PIK3C2G: variants seen among roughly 807,000 people sequenced by gnomAD.
PIK3C2G encodes phosphatidylinositol-4-phosphate 3-kinase catalytic subunit type 2 gamma.
A neutral mutation model predicts 181.1 loss-of-function variants in PIK3C2G; 168 were observed. That is an observed-to-expected ratio of 0.93 (90% confidence interval 0.82 to 1.05). The LOEUF is 1.05. PIK3C2G is among the 50% of genes least tolerant of loss of function. The pLI is 0.00. For synonymous variants in PIK3C2G, 573 were observed against 592.2 expected (o/e 0.97, Z 0.47); for missense variants, 1,869 against 1,732.8 (o/e 1.08, Z -1.40).
Position 18,488,564 on chromosome 12 carries a change from A to G in PIK3C2G, c.2620A>G (p.Lys874Glu). ...GAATGATGAGTTTTCCAAGGAGCAG[A>G]AACTTATCAAAATTCTGGGAGATAT... ...ALNDEFSKEQKLIKILGDIGE... is the reference protein window; with the variant it reads ...ALNDEFSKEQELIKILGDIGE... The change falls in exon 19 of 33, where the codon AAA (lysine) becomes GAA (glutamate). Residue 874 changes from lysine to glutamate, a missense_variant. Physicochemically the swap from Lys to Glu is moderately conservative, Grantham distance 56. Coordinates refer to ENST00000538779, the MANE Select transcript of PIK3C2G (RefSeq NM_001288772.2). 6.3e-7 allele frequency: 1 copy of G among 1,581,094 alleles called. No individual in the cohort carries two copies. Among genetic ancestry groups the G allele is most frequent in the Non-Finnish European group, 8.6e-7 (1 of 1,163,246 alleles).
At chr12:18,416,198 T>A (rs1003680389) in intron 16 of PIK3C2G, among the ~76,000 whole-genome samples, 1 of 151,966 alleles carries the variant, frequency 6.6e-6, no homozygotes, top group African/African-American at 2.4e-5. Context: ...TGGGCTGAGA[T>A]TGCACCACTG....
At chr12:18,470,107 A>G (rs1447408) in intron 18 of PIK3C2G, among the ~76,000 whole-genome samples, 28,069 of 151,942 alleles carry the variant, frequency 0.18, 3,429 homozygotes, top group African/African-American at 0.35. Context: ...ACAGTGGGTG[A>G]TAGACTGCCA....
At chr12:18,458,996 G>A (rs1212752719) in intron 18 of PIK3C2G, among the ~76,000 whole-genome samples, 1 of 152,026 alleles carries the variant, frequency 6.6e-6, no homozygotes, top group Non-Finnish European at 1.5e-5. Flanking sequence ...GACAATACTT[G>A]GATTTTAGCC....
At chr12:18,534,080 G>A (rs1445038837) in intron 24 of PIK3C2G, among the ~76,000 whole-genome samples, 1 of 150,446 alleles carries the variant, frequency 6.6e-6, no homozygotes, top group East Asian at 2.0e-4. Context: ...CTCCCGAGTA[G>A]CTGGGATTAC....
At chr12:18,643,628 AT>A (rs1346774138) in intron 32 of PIK3C2G, among the ~76,000 whole-genome samples, 1 of 151,612 alleles carries the variant, frequency 6.6e-6, no homozygotes, top group African/African-American at 2.4e-5. Flanking sequence ...GTTAACTCTG[AT>A]TTTACTGTCT....
At chr12:18,450,046 T>C (rs1947263063) in intron 18 of PIK3C2G, among the ~76,000 whole-genome samples, 1 of 152,254 alleles carries the variant, frequency 6.6e-6, no homozygotes, top group South Asian at 2.1e-4. Flanking sequence ...ATGAGCTTTT[T>C]TTCACGTTTT....
At chr12:18,582,414 C>A (rs923155933) in intron 29 of PIK3C2G, among the ~76,000 whole-genome samples, 1 of 152,086 alleles carries the variant, frequency 6.6e-6, no homozygotes, top group Non-Finnish European at 1.5e-5. Context: ...CCCACTCCAC[C>A]AGGGCCTTCA....
At chr12:18,326,198 G>A (rs1388606526) in intron 8 of PIK3C2G, among the ~76,000 whole-genome samples, 2 of 152,132 alleles carry the variant, frequency 1.3e-5, no homozygotes, top group Non-Finnish European at 2.9e-5. Flanking sequence ...GGAATGATGG[G>A]TTCATTATAA....
At chr12:18,621,587 A>G (rs1363003627) in intron 31 of PIK3C2G, among the ~76,000 whole-genome samples, 6 of 151,628 alleles carry the variant, frequency 4.0e-5, no homozygotes, top group East Asian at 1.9e-4. Context: ...TTTTATATAT[A>G]TGTTATTAAC....
intron 1 of PIK3C2G, among the ~76,000 whole-genome samples, chr12:18,252,096 AT>A (rs1388143218): frequency 6.6e-6 from 1 of 152,196 alleles, no homozygotes; most frequent in Non-Finnish European, 1.5e-5. Context: ...AGCAGATCAA[AT>A]ATTCCGAGTC....
chr12:18,298,725 A>C (rs1591866370), intron 5 of PIK3C2G, among the ~76,000 whole-genome samples: 1 of 152,030 alleles, frequency 6.6e-6, no homozygotes, highest in South Asian at 2.1e-4. Flanking sequence ...ATTTTTATAC[A>C]CAGTGAGAGA....
chr12:18,415,146 C>G (rs1394704197), intron 16 of PIK3C2G, among the ~76,000 whole-genome samples: 1 of 152,174 alleles, frequency 6.6e-6, no homozygotes, highest in Non-Finnish European at 1.5e-5. Context: ...TTATTGTGCT[C>G]TACTTTACTG....
At chr12:18,262,702 C>T (rs1217211061) in intron 1 of PIK3C2G, among the ~76,000 whole-genome samples, 1 of 151,542 alleles carries the variant, frequency 6.6e-6, no homozygotes, top group Non-Finnish European at 1.5e-5. Flanking sequence ...AAGCAAGATC[C>T]TGTGATGCCA....
chr12:18,476,308 T>A (rs994732396), intron 18 of PIK3C2G, among the ~76,000 whole-genome samples: 5 of 152,154 alleles, frequency 3.3e-5, no homozygotes, highest in Admixed American at 2.6e-4. Flanking sequence ...CTGAGAAGAT[T>A]CAAGTTACCA....
At position 18,537,298 on chromosome 12, in the gene PIK3C2G, A is replaced by G. The variant is rs1943911689; in HGVS notation, c.3324-858A>G. ...ACTTTTTAAATTGCTACTTGGTCTA[A>G]CCTTTCACCAAATTAGTGTCAAATT... On this transcript the variant is annotated intron_variant, in intron 24 of 32. Transcript: ENST00000538779. 2.0e-5 allele frequency among the ~76,000 whole-genome samples: 3 copies of G among 152,102 alleles called. No individual in the cohort carries two copies. In the South Asian group the frequency reaches 6.2e-4, roughly 32 times the overall value.
chr12:18,656,189 G>A, the PIK3C2G span, among the ~76,000 whole-genome samples: 1 of 152,082 alleles, frequency 6.6e-6, no homozygotes, highest in Non-Finnish European at 1.5e-5. Context: ...AGCACTTTGT[G>A]AAGTTGAGAC....
intron 11 of PIK3C2G, among the ~76,000 whole-genome samples, chr12:18,357,540 T>C (rs1297008440): frequency 1.3e-5 from 2 of 152,228 alleles, no homozygotes; most frequent in Non-Finnish European, 2.9e-5. Flanking sequence ...GCTCCAATGC[T>C]GAATTTCACA....
At chr12:18,719,023 T>C in the PIK3C2G span, among the ~76,000 whole-genome samples, 1 of 152,200 alleles carries the variant, frequency 6.6e-6, no homozygotes, top group South Asian at 2.1e-4. Context: ...ATTTATGTGT[T>C]GGCTTTAGTT....
the PIK3C2G span, among the ~76,000 whole-genome samples, chr12:18,659,272 A>G: frequency 6.6e-6 from 1 of 152,200 alleles, no homozygotes; most frequent in Admixed American, 6.5e-5. Flanking sequence ...ATGCAAAGAG[A>G]TAAATACTAT....
Sources: gnomAD v4.1 joint callset for allele counts (sites outside exome capture counted in the v4.1 genomes callset) on GRCh38, gnomAD v4.1.1 for gene constraint, MANE v1.5 for transcripts, NCBI Gene and HGNC (gene_info 2026-07-23, HGNC 2026-07-21) for gene names.